The following MYO16 variants were observed in gnomAD, a reference collection of about 807,000 sequenced individuals.
MYO16 encodes the protein myosin XVI.
Under a neutral mutation model 205.3 loss-of-function variants are expected in MYO16, and 94 were observed. The observed-to-expected ratio is 0.46, with a 90% CI of 0.39 to 0.54. The LOEUF is 0.54. Among genes scored for constraint, MYO16 ranks in the 20% least tolerant of loss-of-function variants. The pLI is 0.00. For missense variants in MYO16, 2,315 were observed against 2,387.5 expected, an observed-to-expected ratio of 0.97 and a Z score of 0.63; for synonymous variants, 988 against 954.0, an observed-to-expected ratio of 1.04 and a Z score of -0.66.
chr13:109,092,311 A>T (rs114781970), intron 27 of MYO16, among the ~76,000 whole-genome samples: 3 of 152,180 alleles, frequency 2.0e-5, no homozygotes, highest in African/African-American at 7.2e-5. Context: ...ATTAAAATTC[A>T]CTATGTTTTA....
intron 15 of MYO16, among the ~76,000 whole-genome samples, chr13:108,903,301 T>C (rs538422296): frequency 4.6e-5 from 7 of 152,352 alleles, no homozygotes; most frequent in African/African-American, 1.2e-4. Flanking sequence ...AATTTCTTGC[T>C]GTGCCTAATT....
chr13:109,136,450 C>G (rs1015168985), intron 31 of MYO16, among the ~76,000 whole-genome samples: 2 of 152,066 alleles, frequency 1.3e-5, no homozygotes, highest in African/African-American at 4.8e-5. Flanking sequence ...GCAGTGAGGA[C>G]CATTTTATTT....
intron 2 of MYO16, among the ~76,000 whole-genome samples, chr13:108,682,030 A>G (rs1023831394): frequency 1.5e-4 from 23 of 152,298 alleles, no homozygotes; most frequent in Middle Eastern, 3.4e-3. Context: ...CAGAAACTGG[A>G]GGGTGGGGCC....
chr13:108,723,186 T>G (rs1451220585), intron 3 of MYO16, among the ~76,000 whole-genome samples: 1 of 152,200 alleles, frequency 6.6e-6, no homozygotes, highest in East Asian at 1.9e-4. Flanking sequence ...ATATTTTGCC[T>G]TATCTTTGAA....
At chr13:108,773,528 G>A (rs560061295) in intron 4 of MYO16, among the ~76,000 whole-genome samples, 8 of 152,110 alleles carry the variant, frequency 5.3e-5, no homozygotes, top group African/African-American at 1.7e-4. Context: ...TCATCCTCAC[G>A]TGGCTGCCTT....
At chr13:108,866,930 A>T (rs1878749099) in intron 12 of MYO16, among the ~76,000 whole-genome samples, 1 of 152,158 alleles carries the variant, frequency 6.6e-6, no homozygotes, top group Admixed American at 6.5e-5. Context: ...GAGGACAGAG[A>T]GAGGAGAGAA....
At chr13:108,554,393 A>G in the MYO16 span, among the ~76,000 whole-genome samples, 1 of 152,162 alleles carries the variant, frequency 6.6e-6, no homozygotes, top group African/African-American at 2.4e-5. Flanking sequence ...CCCTTGAATT[A>G]CTACCTTTAT....
intron 27 of MYO16, among the ~76,000 whole-genome samples, chr13:109,096,750 C>T (rs1211577522): frequency 6.8e-6 from 1 of 147,674 alleles, no homozygotes; most frequent in African/African-American, 2.5e-5. Context: ...TTACTCTGGG[C>T]GAGCTCACAC....
chr13:108,503,645 G>A, the MYO16 span, among the ~76,000 whole-genome samples: 1 of 152,108 alleles, frequency 6.6e-6, no homozygotes. Context: ...GAGAATTATA[G>A]AAATGCCAGA....
At chr13:109,083,663 G>C (rs189434138) in intron 27 of MYO16, among the ~76,000 whole-genome samples, 1 of 152,256 alleles carries the variant, frequency 6.6e-6, no homozygotes, top group African/African-American at 2.4e-5. Flanking sequence ...CTTAATGCTG[G>C]CTGGATACGT....
intron 14 of MYO16, among the ~76,000 whole-genome samples, chr13:108,893,461 T>C (rs1880262979): frequency 6.6e-6 from 1 of 152,208 alleles, no homozygotes; most frequent in Non-Finnish European, 1.5e-5. Context: ...GTTGTTTTGC[T>C]TAAAGTAGAA....
intron 28 of MYO16, among the ~76,000 whole-genome samples, chr13:109,116,196 A>G (rs961314133): frequency 6.6e-6 from 1 of 152,184 alleles, no homozygotes; most frequent in African/African-American, 2.4e-5. Flanking sequence ...GCATTGCAAC[A>G]AAGTGTTTAG....
intron 27 of MYO16, among the ~76,000 whole-genome samples, chr13:109,056,285 T>C (rs1887416474): frequency 6.6e-6 from 1 of 152,134 alleles, no homozygotes; most frequent in African/African-American, 2.4e-5. Flanking sequence ...ATGTCTGTAT[T>C]AGCCCTTCTC....
At chr13:108,530,216 A>G in the MYO16 span, among the ~76,000 whole-genome samples, 4 of 152,242 alleles carry the variant, frequency 2.6e-5, no homozygotes, top group Non-Finnish European at 1.5e-5. Flanking sequence ...TGGGAGGGTG[A>G]GAGTCCACTC....
At chr13:108,855,298 AT>A (rs1878109696) in intron 10 of MYO16, 144 bp from the exon 11 acceptor site, 1 of 393,236 alleles carries the variant, frequency 2.5e-6, no homozygotes, top group African/African-American at 2.1e-5. Context: ...TTTCTTTTTC[AT>A]TGAACCATTT....
In MYO16 at chr13:108,785,574, T is replaced by G; in HGVS notation, c.508-61T>G. 3.0e-6 allele frequency: 3 copies of G among 998,906 alleles called. No individual in the cohort carries two copies. In the South Asian group the frequency reaches 5.1e-5, roughly 17 times the overall value. 61.9% of individuals were successfully genotyped at this position (998,906 alleles called of 1,614,324 possible). On this transcript the variant is annotated intron_variant, in intron 4 of 34. Coordinates refer to ENST00000457511, the MANE Select transcript of MYO16 (RefSeq NM_001198950.3). ...TTCCCAACTAAGATTGAAGTACAAC[T>G]CCTAATCTGCTTTTAATTTAAACAG...
chr13:109,140,144 C>G lies in MYO16; in HGVS notation c.4052-120C>G. ...CCTAGTGGGTGGAGGAACATGCAGG[C>G]CCGGTCCCTTGGGATTCTCGGGGCA... On this transcript the variant is annotated intron_variant, in intron 31 of 34. Coordinates refer to ENST00000457511, the MANE Select transcript of MYO16 (RefSeq NM_001198950.3). The surrounding 1 kb of genome is among the most constrained non-coding windows in gnomAD (Gnocchi z 8.0). 3 of 1,479,232 alleles carry G rather than the reference C, an allele frequency of 2.0e-6. No homozygotes were observed. In the Admixed American group the frequency reaches 7.0e-5, roughly 34 times the overall value. 91.6% of individuals were successfully genotyped at this position (1,479,232 alleles called of 1,614,324 possible). A position where few individuals can be genotyped will look rare whatever the true frequency, so the allele number is the denominator to read the frequency against.
intron 21 of MYO16, among the ~76,000 whole-genome samples, chr13:108,994,927 G>A (rs1196044413): frequency 1.3e-5 from 2 of 152,112 alleles, no homozygotes; most frequent in Admixed American, 1.3e-4. Flanking sequence ...CACATTTGAG[G>A]AGATGTTAAG....
intron 27 of MYO16, among the ~76,000 whole-genome samples, chr13:109,095,842 C>T (rs763558515): frequency 2.6e-5 from 4 of 152,166 alleles, no homozygotes; most frequent in African/African-American, 4.8e-5. Context: ...CTGCAGGCAC[C>T]GAAGGCCAAC....
Sources: allele counts gnomAD v4.1 joint callset (sites outside exome capture counted in the v4.1 genomes callset), GRCh38; gene constraint gnomAD v4.1.1; non-coding constraint Gnocchi (gnomAD v3.1); transcripts MANE v1.5; gene names NCBI Gene and HGNC (gene_info 2026-07-23, HGNC 2026-07-21).